FBXL13: variants seen among roughly 807,000 people sequenced by gnomAD.
The protein encoded by FBXL13 is F-box and leucine rich repeat protein 13.
Under a neutral mutation model 83.6 loss-of-function variants are expected in FBXL13, and 67 were observed. The ratio of observed to expected loss-of-function variants is 0.80; its 90% CI spans 0.66 to 0.98. FBXL13 has a LOEUF of 0.98. Ranked by LOEUF, FBXL13 falls within the 50% of genes least tolerant of loss-of-function variation. The probability of loss-of-function intolerance (pLI) is 0.00; values close to 1 mark genes in which losing one functional copy is unlikely to be tolerated. For missense variants in FBXL13, 822 were observed against 866.5 expected, an observed-to-expected ratio of 0.95 and a Z score of 0.64; for synonymous variants, 272 against 299.5, an observed-to-expected ratio of 0.91 and a Z score of 0.95.
At chr7:102,964,426 T>C (rs1246044111) in intron 7 of FBXL13, among the ~76,000 whole-genome samples, 1 of 148,202 alleles carries the variant, frequency 6.7e-6, no homozygotes, top group Non-Finnish European at 1.5e-5. Flanking sequence ...TTTTCCAGAC[T>C]GAGTCTCTCT....
At position 102,984,675 on chromosome 7, in the gene FBXL13, G is replaced by A. The variant is rs1311985820; in HGVS notation, c.496-16558C>T. On this transcript the variant is annotated intron_variant, in intron 6 of 19. Transcript: ENST00000313221. ...TAAGAAGGGAAAGAAGATAACAATT[G>A]TATGGAGATAGAAAGGAGATTTATA... is the stretch of plus-strand genomic sequence containing the variant. Among the ~76,000 whole-genome samples, 3 of 152,268 alleles carry A rather than the reference G, an allele frequency of 2.0e-5. No individual in the cohort carries two copies. The South Asian group carries it at 6.2e-4, about 32-fold the overall frequency.
intron 11 of FBXL13, 162 bp downstream of exon 12, chr7:102,912,924 A>T: frequency 1.1e-6 from 1 of 889,978 alleles, no homozygotes; most frequent in Non-Finnish European, 1.6e-6. Flanking sequence ...TATAATAGCG[A>T]TCCTGGGGAA....
chr7:102,907,288 G>C (rs1813908220), intron 11 of FBXL13, among the ~76,000 whole-genome samples: 1 of 152,054 alleles, frequency 6.6e-6, no homozygotes, highest in African/African-American at 2.4e-5. Flanking sequence ...TTATTTTCTA[G>C]ATCCCGTAGG....
intron 6 of FBXL13, among the ~76,000 whole-genome samples, chr7:102,982,789 A>G (rs1004309959): frequency 6.6e-6 from 1 of 152,108 alleles, no homozygotes; most frequent in Non-Finnish European, 1.5e-5. Context: ...TTTATAAATT[A>G]CCCACCCAGT....
At chr7:103,056,672 G>A (rs1797370558) in intron 1 of FBXL13, among the ~76,000 whole-genome samples, 1 of 152,054 alleles carries the variant, frequency 6.6e-6, no homozygotes, top group Admixed American at 6.6e-5. Context: ...TGGCCAAGCT[G>A]GTCTTGAACT....
chr7:102,945,906 G>C (rs772766790), intron 8 of FBXL13, among the ~76,000 whole-genome samples: 7 of 151,902 alleles, frequency 4.6e-5, no homozygotes, highest in Non-Finnish European at 8.8e-5. Flanking sequence ...TCTGAGATAA[G>C]AGTCTTGCTC....
intron 8 of FBXL13, among the ~76,000 whole-genome samples, chr7:102,952,915 C>G (rs1191437432): frequency 6.6e-6 from 1 of 152,066 alleles, no homozygotes; most frequent in Non-Finnish European, 1.5e-5. Flanking sequence ...ACCCAGAAGG[C>G]AGAGGTTCCA....
At chr7:102,992,983 CA>C (rs1829739380) in intron 6 of FBXL13, among the ~76,000 whole-genome samples, 2 of 152,156 alleles carry the variant, frequency 1.3e-5, no homozygotes, top group South Asian at 4.1e-4. Flanking sequence ...AATGTTCCAC[CA>C]AAAATCAACT....
intron 16 of FBXL13, among the ~76,000 whole-genome samples, chr7:102,869,160 A>T (rs1173955833): frequency 1.3e-5 from 2 of 152,132 alleles, no homozygotes; most frequent in African/African-American, 4.8e-5. Flanking sequence ...TTGCTTTTTG[A>T]TAATAGCCAT....
At chr7:102,914,361 G>T (rs764681592) in intron 10 of FBXL13, among the ~76,000 whole-genome samples, 1 of 152,188 alleles carries the variant, frequency 6.6e-6, no homozygotes, top group Non-Finnish European at 1.5e-5. Context: ...ATGAGCCACC[G>T]TGCCCAGAAA....
chr7:103,041,084 C>T (rs1167050168), intron 2 of FBXL13, among the ~76,000 whole-genome samples: 1 of 151,714 alleles, frequency 6.6e-6, no homozygotes, highest in Non-Finnish European at 1.5e-5. Context: ...GATAGCAAGA[C>T]TAATAAAGAA....
At chr7:103,004,728 C>T (rs958105160) in intron 6 of FBXL13, among the ~76,000 whole-genome samples, 3 of 152,154 alleles carry the variant, frequency 2.0e-5, no homozygotes, top group Admixed American at 6.5e-5. Flanking sequence ...CATCACAGAG[C>T]AGTCCATTTC....
At chr7:102,913,106 C>T (rs78663338) in exon 11 of FBXL13, 1 of 1,614,036 alleles carries the variant, frequency 6.2e-7, no homozygotes, top group Admixed American at 1.7e-5. Context: ...CCAGAGAGGT[C>T]CAGATAGATG....
intron 1 of FBXL13, among the ~76,000 whole-genome samples, chr7:103,063,530 C>G (rs1798117266): frequency 6.6e-6 from 1 of 152,144 alleles, no homozygotes; most frequent in Non-Finnish European, 1.5e-5. Flanking sequence ...CCTGAGGACA[C>G]AGTTTGCTAT....
At chr7:102,867,513 C>A (rs1807836209) in intron 16 of FBXL13, among the ~76,000 whole-genome samples, 2 of 151,356 alleles carry the variant, frequency 1.3e-5, no homozygotes, top group African/African-American at 2.4e-5. Flanking sequence ...TTCTGTGTGT[C>A]TGGAGCTGAG....
At chr7:102,869,575 G>A (rs779830169) in intron 16 of FBXL13, among the ~76,000 whole-genome samples, 17 of 151,962 alleles carry the variant, frequency 1.1e-4, no homozygotes, top group Admixed American at 2.0e-4. Context: ...AAAGTGTTTC[G>A]TCTATTCTTT....
intron 16 of FBXL13, among the ~76,000 whole-genome samples, chr7:102,864,057 A>G (rs137941815): frequency 7.9e-5 from 12 of 152,248 alleles, no homozygotes; most frequent in African/African-American, 2.9e-4. Context: ...TCTTGTGCAC[A>G]AATCTGTCCT....
intron 10 of FBXL13, among the ~76,000 whole-genome samples, chr7:102,916,230 G>A (rs1218069291): frequency 3.9e-5 from 6 of 151,936 alleles, no homozygotes; most frequent in South Asian, 2.1e-4. Flanking sequence ...CAGGTGATCC[G>A]CCCACCTCGG....
At chr7:102,834,483 G>A (rs1801518562) in intron 17 of FBXL13, 1 of 142,828 alleles carries the variant, frequency 7.0e-6, no homozygotes, top group Middle Eastern at 3.7e-3. Flanking sequence ...ATGTGATGTG[G>A]CTCTTAGCAC....
Sources: gnomAD v4.1 joint callset for allele counts (sites outside exome capture counted in the v4.1 genomes callset) on GRCh38, gnomAD v4.1.1 for gene constraint, MANE v1.5 for transcripts, NCBI Gene and HGNC (gene_info 2026-07-23, HGNC 2026-07-21) for gene names.